Variants in AGAP1 observed in about 807,000 individuals in gnomAD.
AGAP1 encodes arf-GAP with GTPase, ANK repeat and PH domain-containing protein 1.
AGAP1 carries 29 observed loss-of-function variants against 105.3 expected under a neutral mutation model. The ratio of observed to expected loss-of-function variants is 0.28; its 90% CI spans 0.21 to 0.38. The LOEUF (loss-of-function observed/expected upper bound fraction) is 0.38. Among genes scored for constraint, AGAP1 ranks in the 10% least tolerant of loss-of-function variants. The pLI is 1.00. For missense variants in AGAP1, 998 were observed against 1,165.1 expected (o/e 0.86, Z 2.09); for synonymous variants, 509 against 485.9 (o/e 1.05, Z -0.63).
chr2:235,795,955 C>T (rs1167092953), intron 6 of AGAP1, among the ~76,000 whole-genome samples: 2 of 152,172 alleles, frequency 1.3e-5, no homozygotes, highest in Non-Finnish European at 2.9e-5. Flanking sequence ...ACATATTTGA[C>T]TTATCTTAGG....
rs1041449340 is a variant in AGAP1, at chr2:235,622,970, G to A, written c.164-86209G>A. On this transcript the variant is annotated intron_variant, in intron 1 of 17. Coordinates refer to ENST00000304032, the MANE Select transcript of AGAP1 (RefSeq NM_001037131.3). The surrounding 1 kb of genome is among the most constrained non-coding windows in gnomAD (Gnocchi z 5.0). ...TGCACACTGGAGGGAAGCAGGAGGG[G>A]AACAAAGTCAACAGCAATGACTGTC... Among the ~76,000 whole-genome samples, 5 of 152,050 alleles carry A rather than the reference G, an allele frequency of 3.3e-5. No homozygotes were observed. The highest frequency in any genetic ancestry group is 9.7e-5 in the African/African-American group (4 of 41,358).
In AGAP1 at chr2:235,739,887, G is replaced by A. The variant is rs541269617; in HGVS notation, c.311-1076G>A. Among the ~76,000 whole-genome samples, 5 of 152,222 alleles carry A rather than the reference G, an allele frequency of 3.3e-5. No homozygotes were observed. Among genetic ancestry groups the A allele is most frequent in the South Asian group, 4.1e-4 (2 of 4,834 alleles). On this transcript the variant is annotated intron_variant, in intron 3 of 17. Coordinates refer to ENST00000304032, the MANE Select transcript of AGAP1 (RefSeq NM_001037131.3). This position sits in a 1 kb window ranked among gnomAD's most constrained non-coding sequence, Gnocchi z 5.3. ...GAGGGAATCAGACGTCGCTCTGGGCGGCAGTGGAGCTGGCAGGCAGCCTCT... is the reference window on the plus strand; with the variant it reads ...GAGGGAATCAGACGTCGCTCTGGGCAGCAGTGGAGCTGGCAGGCAGCCTCT...
intron 16 of AGAP1, among the ~76,000 whole-genome samples, chr2:236,069,377 A>G (rs2058437672): frequency 6.6e-6 from 1 of 152,214 alleles, no homozygotes; most frequent in South Asian, 2.1e-4. Context: ...CATGGTAAGT[A>G]TATGCATTAT....
In AGAP1 at chr2:235,861,233, A is replaced by G. The variant is rs544560200; in HGVS notation, c.1051-22112A>G. On this transcript the variant is annotated intron_variant, in intron 9 of 17. Transcript: ENST00000304032. ...TTGAGTAGTTTTTTTAAATGTGATGAATCAGAGGATTTGTTCAACATCACT... is the reference window on the plus strand; with the variant it reads ...TTGAGTAGTTTTTTTAAATGTGATGGATCAGAGGATTTGTTCAACATCACT... Among the ~76,000 whole-genome samples, 3 of 152,328 alleles carry G rather than the reference A, an allele frequency of 2.0e-5. No homozygotes were observed. In the South Asian group the frequency reaches 6.2e-4, roughly 32 times the overall value.
At position 235,845,331 on chromosome 2, in the gene AGAP1, G is replaced by C. The variant is rs2106416107; in HGVS notation, c.1050+38000G>C. Among the ~76,000 whole-genome samples, 1 of 152,182 alleles carries C rather than the reference G, an allele frequency of 6.6e-6. No homozygotes were observed. Among genetic ancestry groups the C allele is most frequent in the East Asian group, 1.9e-4 (1 of 5,160 alleles). Reference sequence around the variant, plus strand: ...AGACCACATGTATGGTGTGCTCAGGGGACCCCCAGAGCAAAATCCAACACC... The same window carrying C: ...AGACCACATGTATGGTGTGCTCAGGCGACCCCCAGAGCAAAATCCAACACC... On this transcript the variant is annotated intron_variant, in intron 9 of 17. Coordinates refer to ENST00000304032, the MANE Select transcript of AGAP1 (RefSeq NM_001037131.3). The surrounding 1 kb of genome is among the most constrained non-coding windows in gnomAD (Gnocchi z 4.8).
chr2:235,839,440 G>A (rs1960544786), intron 9 of AGAP1, among the ~76,000 whole-genome samples: 1 of 152,302 alleles, frequency 6.6e-6, no homozygotes, highest in South Asian at 2.1e-4. Flanking sequence ...AGAATCACCT[G>A]GAGAGCTTAA....
rs1297519571 is a variant in AGAP1 at position 235,889,387 on chromosome 2, G to A, written c.1155+5938G>A. 2.6e-5 allele frequency among the ~76,000 whole-genome samples: 4 copies of A among 152,156 alleles called. No homozygotes were observed. Among genetic ancestry groups the A allele is most frequent in the African/African-American group, 9.7e-5 (4 of 41,426 alleles). ...AACCTCACGAATACTGATCCCCAGG[G>A]ACTGCGTGTCTCCCTCAGAACTGGG... On this transcript the variant is annotated intron_variant, in intron 10 of 17. Coordinates refer to ENST00000304032, the MANE Select transcript of AGAP1 (RefSeq NM_001037131.3). The surrounding 1 kb of genome is among the most constrained non-coding windows in gnomAD (Gnocchi z 4.6).
intron 1 of AGAP1, among the ~76,000 whole-genome samples, chr2:235,673,758 T>C (rs111501523): frequency 6.6e-6 from 1 of 152,234 alleles, no homozygotes; most frequent in East Asian, 1.9e-4. Flanking sequence ...CATAATGTTT[T>C]AAAATTTGGA....
At chr2:235,632,445 A>G (rs1045961507) in intron 1 of AGAP1, among the ~76,000 whole-genome samples, 2 of 152,192 alleles carry the variant, frequency 1.3e-5, no homozygotes, top group Non-Finnish European at 2.9e-5. Context: ...CACGTCCATT[A>G]CGCTTGCAGT....
chr2:235,847,003 T>G (rs1267509935), intron 9 of AGAP1, among the ~76,000 whole-genome samples: 1 of 152,228 alleles, frequency 6.6e-6, no homozygotes, highest in Non-Finnish European at 1.5e-5. Flanking sequence ...TGTGGATTGC[T>G]TGACATGTCC....
chr2:235,666,234 T>C (rs1215797808), intron 1 of AGAP1, among the ~76,000 whole-genome samples: 1 of 152,072 alleles, frequency 6.6e-6, no homozygotes, highest in Non-Finnish European at 1.5e-5. Flanking sequence ...AATGGTGATA[T>C]GCTCCATGGC....
Position 235,927,213 on chromosome 2 carries a change from A to AG in AGAP1, c.1325-3550dup, listed in dbSNP as rs2052494867. ...AGGGCTCTAAGAGTCTGCCGTCAGA[A>AG]GGATTGTGGATAGCTGGTCTGGTGT... On this transcript the variant is annotated intron_variant, in intron 11 of 17. Coordinates refer to ENST00000304032, the MANE Select transcript of AGAP1 (RefSeq NM_001037131.3). The surrounding 1 kb of genome is among the most constrained non-coding windows in gnomAD (Gnocchi z 4.4). Among the ~76,000 whole-genome samples, 1 of 152,142 alleles carries AG rather than the reference A, an allele frequency of 6.6e-6. No homozygotes were observed. Among genetic ancestry groups the AG allele is most frequent in the Non-Finnish European group, 1.5e-5 (1 of 68,028 alleles).
rs930802667 is a variant in AGAP1, at chr2:235,725,418, T to TA, written c.310+7783dup. ...AAAACCCTTTCCAAGTCAAATAACT[T>TA]AAAAAAAAAGGTTGTCAGCTACCAC... On this transcript the variant is annotated intron_variant, in intron 3 of 17. Transcript: ENST00000304032. This position sits in a 1 kb window ranked among gnomAD's most constrained non-coding sequence, Gnocchi z 5.7. Among the ~76,000 whole-genome samples the TA allele has an allele frequency of 4.4e-4, 66 of 150,134 alleles. 1 individual carries two copies. Among genetic ancestry groups the TA allele is most frequent in the Admixed American group, 2.7e-3 (40 of 15,040 alleles).
chr2:236,021,228 A>G (rs2056873756), intron 13 of AGAP1, among the ~76,000 whole-genome samples: 1 of 152,070 alleles, frequency 6.6e-6, no homozygotes, highest in African/African-American at 2.4e-5. Flanking sequence ...TGCATGGGGA[A>G]TAACTAGAAT....
chr2:235,754,016 AAC>A lies in AGAP1; in HGVS notation c.673+3530_673+3531del, dbSNP rs1953694059. ...AAGTAAAAATCCTCAAGGAAAGTTA[AAC>A]ATTGTAAGGTTTATATAAAGTTGAA... On this transcript the variant is annotated intron_variant, in intron 6 of 17. Transcript: ENST00000304032. The surrounding 1 kb of genome is among the most constrained non-coding windows in gnomAD (Gnocchi z 4.6). 6.6e-6 allele frequency among the ~76,000 whole-genome samples: 1 copy of A among 152,210 alleles called. No homozygotes were observed. The highest frequency in any genetic ancestry group is 2.4e-5 in the African/African-American group (1 of 41,448).
rs1946034676 is a variant in AGAP1, at chr2:235,608,826, A to G, written c.164-100353A>G. Among the ~76,000 whole-genome samples, 1 of 152,152 alleles carries G rather than the reference A, an allele frequency of 6.6e-6. No homozygotes were observed. The highest frequency in any genetic ancestry group is 1.5e-5 in the Non-Finnish European group (1 of 68,018). On this transcript the variant is annotated intron_variant, in intron 1 of 17. Transcript: ENST00000304032. This position sits in a 1 kb window ranked among gnomAD's most constrained non-coding sequence, Gnocchi z 5.4. The stretch of plus-strand genomic sequence containing the variant: ...TCAGAGGCCTGGGAGATCAGGGGAC[A>G]AGGGTGAAATTCGAATAGATTGTAC...
At chr2:236,041,900 A>G (rs1479874837) in intron 15 of AGAP1, among the ~76,000 whole-genome samples, 1 of 152,186 alleles carries the variant, frequency 6.6e-6, no homozygotes, top group Non-Finnish European at 1.5e-5. Context: ...GGAGATGGGC[A>G]GGGTTTGTAC....
chr2:236,049,825 C>T (rs887563686), intron 16 of AGAP1: 8 of 152,232 alleles, frequency 5.3e-5, no homozygotes, highest in African/African-American at 1.5e-4. Flanking sequence ...GTGTAAAAAA[C>T]GCATTTATTT....
chr2:235,894,616 A>AACATAC (rs5839613), intron 10 of AGAP1, among the ~76,000 whole-genome samples: 113,683 of 151,050 alleles, frequency 0.75, 43,180 homozygotes, highest in East Asian at 0.97. Flanking sequence ...CACACACTTA[A>AACATAC]ACATACACAT....
Sources: gnomAD v4.1 joint callset for allele counts (sites outside exome capture counted in the v4.1 genomes callset) on GRCh38, gnomAD v4.1.1 for gene constraint, Gnocchi (gnomAD v3.1) non-coding constraint, MANE v1.5 for transcripts, NCBI Gene and HGNC (gene_info 2026-07-23, HGNC 2026-07-21) for gene names.